The following USP10 variants were observed in gnomAD, a reference collection of about 807,000 sequenced individuals.
The protein encoded by USP10 is ubiquitin carboxyl-terminal hydrolase 10.
In USP10, 22 loss-of-function variants were observed where a neutral mutation model predicts 84.5. The observed-to-expected ratio is 0.26, with a 90% CI of 0.19 to 0.37. USP10 has a LOEUF of 0.37. USP10 is among the 10% of genes least tolerant of loss of function. USP10 has a pLI of 1.00. For synonymous variants in USP10, 454 were observed against 387.6 expected, an observed-to-expected ratio of 1.17 and a Z score of -2.01; for missense variants, 1,019 against 998.9, an observed-to-expected ratio of 1.02 and a Z score of -0.27.
intron 1 of USP10, among the ~76,000 whole-genome samples, chr16:84,726,254 A>C (rs1908461365): frequency 6.6e-6 from 1 of 152,216 alleles, no homozygotes; most frequent in Non-Finnish European, 1.5e-5. Flanking sequence ...GCGTCTCCTG[A>C]AGCCGAAAGT....
At chr16:84,752,973 T>C (rs1912107835) in intron 4 of USP10, among the ~76,000 whole-genome samples, 1 of 152,150 alleles carries the variant, frequency 6.6e-6, no homozygotes, top group Non-Finnish European at 1.5e-5. Flanking sequence ...AAACGTATTT[T>C]TTTTTTCTTA....
At chr16:84,701,153 T>G (rs1452909054) in intron 1 of USP10, among the ~76,000 whole-genome samples, 1 of 152,258 alleles carries the variant, frequency 6.6e-6, no homozygotes, top group Non-Finnish European at 1.5e-5. Flanking sequence ...GTTGCCCTTC[T>G]GCAGATGAAG....
intron 1 of USP10, among the ~76,000 whole-genome samples, chr16:84,718,493 T>C (rs1490482527): frequency 2.0e-5 from 3 of 152,162 alleles, no homozygotes; most frequent in African/African-American, 4.8e-5. Context: ...GTGCGGTGGC[T>C]CACGCCTGTA....
At chr16:84,774,674 A>G (rs369646101) in intron 12 of USP10, among the ~76,000 whole-genome samples, 25 of 152,072 alleles carry the variant, frequency 1.6e-4, no homozygotes, top group East Asian at 5.8e-4. Flanking sequence ...GTTTCACTGT[A>G]TTAGCCAGGA....
chr16:84,701,395 A>C (rs1320544690), intron 1 of USP10, among the ~76,000 whole-genome samples: 1 of 152,162 alleles, frequency 6.6e-6, no homozygotes, highest in Non-Finnish European at 1.5e-5. Context: ...AAAAGGGATC[A>C]GTAGTTGAAT....
intron 1 of USP10, among the ~76,000 whole-genome samples, chr16:84,721,731 C>T (rs1907836774): frequency 6.6e-6 from 1 of 151,938 alleles, no homozygotes; most frequent in South Asian, 2.1e-4. Flanking sequence ...TTGAGTCTTG[C>T]TCTGTTGCCA....
chr16:84,717,024 CAAACTT>C (rs1267286403), intron 1 of USP10, among the ~76,000 whole-genome samples: 3 of 152,198 alleles, frequency 2.0e-5, no homozygotes, highest in Admixed American at 1.3e-4. Flanking sequence ...CAGTGCTTCT[CAAACTT>C]AAAAGTCCGT....
intron 1 of USP10, among the ~76,000 whole-genome samples, chr16:84,711,641 T>C (rs574624981): frequency 6.6e-6 from 1 of 152,072 alleles, no homozygotes; most frequent in South Asian, 2.1e-4. Flanking sequence ...GCCACAACAA[T>C]GTATTCTAAG....
At chr16:84,765,794 G>C (rs1477334260) in intron 10 of USP10, among the ~76,000 whole-genome samples, 2 of 152,198 alleles carry the variant, frequency 1.3e-5, no homozygotes, top group African/African-American at 4.8e-5. Flanking sequence ...GACTGGGCTG[G>C]AGTCCCTGGG....
intron 2 of USP10, 106 bp from the exon 3 acceptor site, chr16:84,740,203 A>T: frequency 1.0e-6 from 1 of 973,832 alleles, no homozygotes; most frequent in South Asian, 1.6e-5. Context: ...CGGCATGCAA[A>T]GTTGTATGGA....
chr16:84,763,719 C>T (rs572947672), intron 9 of USP10, among the ~76,000 whole-genome samples: 1 of 152,012 alleles, frequency 6.6e-6, no homozygotes, highest in South Asian at 2.1e-4. Flanking sequence ...AGTGGCATTG[C>T]AATGGGTTGC....
chr16:84,778,793 T>G, intron 13 of USP10, 102 bp from the exon 14 acceptor site: 1 of 1,182,206 alleles, frequency 8.5e-7, no homozygotes, highest in Non-Finnish European at 1.2e-6. Flanking sequence ...TGGAGAGGGG[T>G]TTTACACATA....
intron 8 of USP10, among the ~76,000 whole-genome samples, chr16:84,762,337 C>T (rs1340990110): frequency 6.6e-6 from 1 of 152,162 alleles, no homozygotes; most frequent in Non-Finnish European, 1.5e-5. Flanking sequence ...ACATCTAGTT[C>T]TTCGTCTTCT....
chr16:84,769,436 T>C (rs1914196836), intron 11 of USP10, among the ~76,000 whole-genome samples: 1 of 152,118 alleles, frequency 6.6e-6, no homozygotes, highest in Non-Finnish European at 1.5e-5. Context: ...GTTTAAAAAA[T>C]AGAAGCAGTA....
intron 1 of USP10, among the ~76,000 whole-genome samples, chr16:84,704,128 T>A (rs1905205023): frequency 6.6e-6 from 1 of 152,224 alleles, no homozygotes; most frequent in South Asian, 2.1e-4. Flanking sequence ...CATCTCCAAT[T>A]GAATTAGTTA....
At chr16:84,755,730 G>A (rs1216344577) in intron 4 of USP10, among the ~76,000 whole-genome samples, 1 of 151,892 alleles carries the variant, frequency 6.6e-6, no homozygotes, top group Non-Finnish European at 1.5e-5. Context: ...ACCCAGAGGC[G>A]GAGGTTGGAG....
At chr16:84,752,212 C>G (rs978257778) in intron 4 of USP10, among the ~76,000 whole-genome samples, 1 of 152,164 alleles carries the variant, frequency 6.6e-6, no homozygotes, top group African/African-American at 2.4e-5. Context: ...TTCTAGGCAG[C>G]CCCACCAACT....
chr16:84,766,012 C>T (rs1913818150), intron 10 of USP10, among the ~76,000 whole-genome samples: 1 of 152,208 alleles, frequency 6.6e-6, no homozygotes, highest in Non-Finnish European at 1.5e-5. Flanking sequence ...GGCCTTGCGG[C>T]ATAACCCCCA....
Position 84,768,368 on chromosome 16 carries a change from CA to C in USP10, c.1998+11del. 1 of 1,568,614 alleles carries C rather than the reference CA, an allele frequency of 6.4e-7. No homozygotes were observed. The highest frequency in any genetic ancestry group is 8.7e-7 in the Non-Finnish European group (1 of 1,152,952). On this transcript the variant is annotated intron_variant, in intron 11 of 13. Transcript: ENST00000219473. ...AAAAACCAAACAAGAGGTATGTTCA[CA>C]CTTGATTTTGAACCTTTCTACTAAG...
Sources: gnomAD v4.1 joint callset for allele counts (sites outside exome capture counted in the v4.1 genomes callset) on GRCh38, gnomAD v4.1.1 for gene constraint, MANE v1.5 for transcripts, NCBI Gene and HGNC (gene_info 2026-07-23, HGNC 2026-07-21) for gene names.